The following KLHL2 variants were observed in gnomAD, a reference collection of about 807,000 sequenced individuals.
KLHL2 encodes the protein kelch like family member 2.
A neutral mutation model predicts 75.8 loss-of-function variants in KLHL2; 15 were observed. The observed-to-expected ratio is 0.20, with a 90% CI of 0.13 to 0.30. The LOEUF (loss-of-function observed/expected upper bound fraction) is 0.30, where lower values mean the gene tolerates loss of function less well. KLHL2 is among the 10% of genes least tolerant of loss of function. The probability of loss-of-function intolerance (pLI) is 1.00; values close to 1 mark genes in which losing one functional copy is unlikely to be tolerated. For missense variants in KLHL2, 381 were observed against 741.0 expected (o/e 0.51, Z 5.64); for synonymous variants, 214 against 251.9 (o/e 0.85, Z 1.42).
chr4:165,239,118 T>A (rs1369217522), intron 4 of KLHL2, among the ~76,000 whole-genome samples: 3 of 152,230 alleles, frequency 2.0e-5, no homozygotes, highest in Non-Finnish European at 1.5e-5. Context: ...ATCCTTTAGT[T>A]CTCTGAATGA....
intron 1 of KLHL2, among the ~76,000 whole-genome samples, chr4:165,216,886 T>C (rs1478660359): frequency 6.6e-6 from 1 of 152,206 alleles, no homozygotes; most frequent in Non-Finnish European, 1.5e-5. Context: ...TAAAGTCTTC[T>C]TTGCAGGGTT....
intron 4 of KLHL2, among the ~76,000 whole-genome samples, chr4:165,241,669 A>G (rs1739828449): frequency 6.6e-6 from 1 of 152,182 alleles, no homozygotes; most frequent in Non-Finnish European, 1.5e-5. Flanking sequence ...TTGATGCAGA[A>G]TCATTGTGCC....
intron 5 of KLHL2, among the ~76,000 whole-genome samples, chr4:165,287,341 T>A (rs1744167960): frequency 6.6e-6 from 1 of 152,208 alleles, no homozygotes; most frequent in South Asian, 2.1e-4. Flanking sequence ...CCTTCCTTTT[T>A]AAGGAATTGT....
At chr4:165,317,191 A>C (rs1205689510) in intron 13 of KLHL2, among the ~76,000 whole-genome samples, 1 of 151,914 alleles carries the variant, frequency 6.6e-6, no homozygotes, top group East Asian at 1.9e-4. Context: ...AGATTCCCTA[A>C]GTAGCTGACT....
chr4:165,263,805 GTTTTTTTTTTTTT>G (rs55901119), intron 5 of KLHL2, among the ~76,000 whole-genome samples: 2 of 66,514 alleles, frequency 3.0e-5, no homozygotes, highest in Admixed American at 2.3e-4. Context: ...TTTTTACATT[GTTTTTTTTTTTTT>G]TTTTTTTTTT....
rs1052997854 is a variant in KLHL2, at chr4:165,319,707, C to T, written c.1753+1738C>T. Among the ~76,000 whole-genome samples the T allele has an allele frequency of 5.9e-5, 9 of 152,194 alleles. No homozygotes were observed. Among genetic ancestry groups the T allele is most frequent in the Non-Finnish European group, 1.3e-4 (9 of 68,010 alleles). On this transcript the variant is annotated intron_variant, in intron 14 of 14. Transcript: ENST00000226725. This position sits in a 1 kb window ranked among gnomAD's most constrained non-coding sequence, Gnocchi z 4.5. ...CGTGATCTCAGATCACTGCAACCTC[C>T]GCCTCCCAGATTCAAACGATTCTCA...
At chr4:165,258,493 C>G (rs1579058775) in intron 4 of KLHL2, among the ~76,000 whole-genome samples, 1 of 151,346 alleles carries the variant, frequency 6.6e-6, no homozygotes, top group Non-Finnish European at 1.5e-5. Flanking sequence ...ATGGAAATTT[C>G]CATTAGATGG....
At chr4:165,265,223 A>C (rs182294151) in intron 5 of KLHL2, among the ~76,000 whole-genome samples, 1 of 152,014 alleles carries the variant, frequency 6.6e-6, no homozygotes, top group Non-Finnish European at 1.5e-5. Context: ...TAATGGGATT[A>C]TTTGATTTTT....
At chr4:165,294,041 A>C (rs1744723813) in intron 5 of KLHL2, among the ~76,000 whole-genome samples, 1 of 152,220 alleles carries the variant, frequency 6.6e-6, no homozygotes, top group African/African-American at 2.4e-5. Flanking sequence ...ATGGTGTCAT[A>C]CCATATAAGG....
chr4:165,290,937 T>A (rs1465692763), intron 5 of KLHL2, among the ~76,000 whole-genome samples: 1 of 152,208 alleles, frequency 6.6e-6, no homozygotes, highest in Non-Finnish European at 1.5e-5. Flanking sequence ...CCAAACTGAT[T>A]TCCTACCAGC....
intron 11 of KLHL2, among the ~76,000 whole-genome samples, chr4:165,311,934 G>A (rs1218740517): frequency 6.6e-6 from 1 of 151,892 alleles, no homozygotes; most frequent in Non-Finnish European, 1.5e-5. Flanking sequence ...TTTGGCACTA[G>A]GGACTGGTTT....
chr4:165,220,336 C>CA (rs1163997833), intron 2 of KLHL2, among the ~76,000 whole-genome samples: 3 of 150,614 alleles, frequency 2.0e-5, no homozygotes, highest in African/African-American at 4.9e-5. Context: ...TTTCTAAATG[C>CA]AAAAAAAAGA....
chr4:165,238,633 G>C (rs3817236), intron 3 of KLHL2, 145 bp from the exon 4 acceptor site: 113,181 of 1,469,988 alleles, frequency 0.077, 4,727 homozygotes, highest in Middle Eastern at 0.12. Flanking sequence ...AGGAAGGGGG[G>C]AGTATTTTCG....
At chr4:165,231,543 C>T (rs896193127) in intron 3 of KLHL2, among the ~76,000 whole-genome samples, 13 of 152,160 alleles carry the variant, frequency 8.5e-5, no homozygotes, top group African/African-American at 2.9e-4. Flanking sequence ...TTTTTGTTCT[C>T]ACATAATGTT....
At chr4:165,321,203 G>A (rs1320350954) in intron 14 of KLHL2, 1 of 452,530 alleles carries the variant, frequency 2.2e-6, no homozygotes, top group Non-Finnish European at 4.4e-6. Flanking sequence ...CACCAAGTGT[G>A]TCTGCCTCTC....
chr4:165,298,944 C>A (rs923502711), intron 7 of KLHL2, among the ~76,000 whole-genome samples: 3 of 134,228 alleles, frequency 2.2e-5, no homozygotes, highest in Non-Finnish European at 3.2e-5. Context: ...CCCCCGCCCC[C>A]CCTCCCCCCC....
At chr4:165,270,529 T>C (rs1742602952) in intron 5 of KLHL2, among the ~76,000 whole-genome samples, 1 of 152,216 alleles carries the variant, frequency 6.6e-6, no homozygotes, top group African/African-American at 2.4e-5. Flanking sequence ...TTTTTGTTGA[T>C]GCTGATGCCA....
At chr4:165,245,151 TA>T (rs1226122684) in intron 4 of KLHL2, among the ~76,000 whole-genome samples, 36 of 152,110 alleles carry the variant, frequency 2.4e-4, no homozygotes, top group Admixed American at 2.4e-3. Context: ...GAGGTTGCAG[TA>T]AACGAAGATC....
In KLHL2 at chr4:165,257,419, T is replaced by C. The variant is rs1369576110; in HGVS notation, c.382-5778T>C. 4.6e-5 allele frequency among the ~76,000 whole-genome samples: 7 copies of C among 152,242 alleles called. No individual in the cohort carries two copies. In the East Asian group the frequency reaches 1.3e-3, roughly 29 times the overall value. On this transcript the variant is annotated intron_variant, in intron 4 of 14. Transcript: ENST00000226725. The stretch of plus-strand genomic sequence containing the variant: ...AGTCAAGGGTGGTCCCACAGCATTA[T>C]TTCCTGCATGCTTCCAGACTGTGTG...
Sources: gnomAD v4.1 joint callset for allele counts (sites outside exome capture counted in the v4.1 genomes callset) on GRCh38, gnomAD v4.1.1 for gene constraint, Gnocchi (gnomAD v3.1) non-coding constraint, MANE v1.5 for transcripts, NCBI Gene and HGNC (gene_info 2026-07-23, HGNC 2026-07-21) for gene names.